UFD1: variants seen among roughly 807,000 people sequenced by gnomAD.
UFD1 encodes the protein ubiquitin recognition factor in ER associated degradation 1.
UFD1 carries 13 observed loss-of-function variants against 45.9 expected under a neutral mutation model. The observed-to-expected ratio is 0.28, with a 90% CI of 0.18 to 0.45. The LOEUF (loss-of-function observed/expected upper bound fraction) is 0.45, where lower values mean the gene tolerates loss of function less well. Ranked by LOEUF, UFD1 falls within the 20% of genes least tolerant of loss-of-function variation. The pLI, the probability that UFD1 is intolerant of heterozygous loss-of-function variation, is 1.00. For synonymous variants in UFD1, 128 were observed against 139.2 expected, an observed-to-expected ratio of 0.92 and a Z score of 0.56; for missense variants, 218 against 389.2, an observed-to-expected ratio of 0.56 and a Z score of 3.70.
At chr22:19,456,949 T>C (rs1398877365) in intron 7 of UFD1, 31 bp from the exon 8 acceptor site, 17 of 1,457,054 alleles carry the variant, frequency 1.2e-5, no homozygotes, top group Non-Finnish European at 1.4e-5. Flanking sequence ...AAGTAAAATA[T>C]TGAGACATGA....
chr22:19,470,782 AG>A (rs1480307364), intron 4 of UFD1: 2 of 468,072 alleles, frequency 4.3e-6, no homozygotes, highest in Non-Finnish European at 8.6e-6. Flanking sequence ...ATATTAGTTA[AG>A]GCCATCCCTT....
intron 5 of UFD1, chr22:19,467,017 A>T (rs1312173395): frequency 6.6e-6 from 1 of 152,194 alleles, no homozygotes. Flanking sequence ...TGTCCAGAAC[A>T]TAGGCAGCAA....
Position 19,451,655 on chromosome 22 carries a change from G to C in UFD1, c.850-911C>G, listed in dbSNP as rs116508416. 1.9e-3 allele frequency: 1,891 copies of C among 985,422 alleles called. 30 individuals carry two copies. The African/African-American group carries it at 0.029, about 15-fold the overall frequency. The allele number at this position is 985,422 out of a possible 1,614,324, so 61.0% of individuals were successfully genotyped here. A position where few individuals can be genotyped will look rare whatever the true frequency, so the allele number is the denominator to read the frequency against. On this transcript the variant is annotated intron_variant, in intron 11 of 11. Transcript: ENST00000263202. ...TGCACCTGGCTCCCCACTAACTGTA[G>C]CATGTTATACCTGCAATAGAGCACT...
At chr22:19,455,855 C>A in intron 9 of UFD1, 87 bp from the exon 10 acceptor site, 1 of 1,284,332 alleles carries the variant, frequency 7.8e-7, no homozygotes, top group Non-Finnish European at 1.1e-6. Flanking sequence ...GGGATGTGAG[C>A]TGGGGGTGCT....
chr22:19,451,337 TGTG>T (rs2089681177), intron 11 of UFD1: 1 of 985,408 alleles, frequency 1.0e-6, no homozygotes, highest in African/African-American at 1.7e-5. Context: ...TGGACATTGT[TGTG>T]GTAAGCAGCT....
chr22:19,453,071 G>A, intron 11 of UFD1: 1 of 985,430 alleles, frequency 1.0e-6, no homozygotes. Context: ...CTTTCTGACT[G>A]TGGCCTTCAC....
chr22:19,468,234 G>A (rs186778541), intron 4 of UFD1, among the ~76,000 whole-genome samples: 1 of 152,322 alleles, frequency 6.6e-6, no homozygotes, highest in Admixed American at 6.5e-5. Flanking sequence ...CAGTGTGAAC[G>A]CATCTCTGCA....
chr22:19,475,223 C>T, intron 2 of UFD1, 123 bp from the exon 3 acceptor site: 2 of 1,109,406 alleles, frequency 1.8e-6, no homozygotes, highest in Non-Finnish European at 2.5e-6. Context: ...GCCAGAATGT[C>T]CCAGTGATCT....
intron 1 of UFD1, among the ~76,000 whole-genome samples, chr22:19,476,651 C>G (rs1211999384): frequency 1.4e-5 from 2 of 146,414 alleles, no homozygotes; most frequent in African/African-American, 2.5e-5. Context: ...ATACTGAAAT[C>G]TATACATACT....
chr22:19,471,347 A>G (rs370119003), intron 4 of UFD1: 2 of 573,998 alleles, frequency 3.5e-6, no homozygotes, highest in Admixed American at 3.8e-5. Flanking sequence ...TAAAAACCTC[A>G]AACACCCTAC....
intron 11 of UFD1, chr22:19,454,425 G>T: frequency 1.3e-6 from 1 of 748,038 alleles, no homozygotes; most frequent in Non-Finnish European, 1.7e-6. Context: ...TTTCCGTGCT[G>T]TTATCATGAT....
At chr22:19,475,344 C>T (rs1601904098) in intron 2 of UFD1, 126 bp downstream of exon 2, 1 of 1,439,744 alleles carries the variant, frequency 6.9e-7, no homozygotes, top group South Asian at 1.3e-5. Context: ...AGGGATAAAT[C>T]CCAGCACCAT....
intron 11 of UFD1, chr22:19,451,895 T>C: frequency 1.0e-6 from 1 of 985,488 alleles, no homozygotes; most frequent in Non-Finnish European, 1.2e-6. Context: ...GGCCTTTCTC[T>C]AGGTGCCGTA....
chr22:19,465,046 A>T, intron 6 of UFD1, 156 bp downstream of exon 6: 1 of 672,684 alleles, frequency 1.5e-6, no homozygotes, highest in Non-Finnish European at 2.5e-6. Flanking sequence ...TTAGGGCTCT[A>T]AATATGAACC....
chr22:19,460,988 T>C (rs932715605), intron 6 of UFD1, among the ~76,000 whole-genome samples: 6 of 152,162 alleles, frequency 3.9e-5, no homozygotes, highest in Non-Finnish European at 2.9e-5. Context: ...ACTCCTGGGC[T>C]CAAACAATCC....
chr22:19,470,889 A>G (rs17811336), intron 4 of UFD1: 84,950 of 452,328 alleles, frequency 0.19, 8,276 homozygotes, highest in East Asian at 0.31. Flanking sequence ...AGCACTCCTG[A>G]GAGTTTCCAG....
intron 3 of UFD1, among the ~76,000 whole-genome samples, chr22:19,473,233 A>G (rs1399983345): frequency 6.6e-6 from 1 of 152,186 alleles, no homozygotes; most frequent in Non-Finnish European, 1.5e-5. Flanking sequence ...AGAGACTCCA[A>G]TGTCCCTCAG....
In UFD1 at chr22:19,469,917, C is replaced by T. The variant is rs188497411; in HGVS notation, c.291+1770G>A. The stretch of plus-strand genomic sequence containing the variant: ...GTCCAACAGCTTGGACAAGAGGCCA[C>T]CCAAACTTCAAGTCTATGGGTTAAA... On this transcript the variant is annotated intron_variant, in intron 4 of 11. Transcript: ENST00000263202. 4.7e-4 allele frequency: 245 copies of T among 518,180 alleles called. 1 individual carries two copies. Among genetic ancestry groups the T allele is most frequent in the Non-Finnish European group, 7.2e-4 (188 of 259,556 alleles). 32.1% of individuals were successfully genotyped at this position (518,180 alleles called of 1,614,324 possible). A position where few individuals can be genotyped will look rare whatever the true frequency, so the allele number is the denominator to read the frequency against.
chr22:19,458,745 C>T (rs2089742953), intron 6 of UFD1, among the ~76,000 whole-genome samples: 2 of 151,946 alleles, frequency 1.3e-5, no homozygotes, highest in South Asian at 4.1e-4. Flanking sequence ...ACTCGGCCTT[C>T]GAAATTTATT....
Sources: gnomAD v4.1 joint callset for allele counts (sites outside exome capture counted in the v4.1 genomes callset) on GRCh38, gnomAD v4.1.1 for gene constraint, MANE v1.5 for transcripts, NCBI Gene and HGNC (gene_info 2026-07-23, HGNC 2026-07-21) for gene names.